Variants in SP100 observed in about 807,000 individuals in gnomAD.
The protein encoded by SP100 is nuclear autoantigen Sp-100.
Under a neutral mutation model 130.0 loss-of-function variants are expected in SP100, and 84 were observed. The observed-to-expected ratio is 0.65, with a 90% confidence interval of 0.54 to 0.77. The LOEUF (loss-of-function observed/expected upper bound fraction) is 0.77. Ranked by LOEUF, SP100 falls within the 30% of genes least tolerant of loss-of-function variation. The probability of loss-of-function intolerance (pLI) is 0.00; values close to 1 mark genes in which losing one functional copy is unlikely to be tolerated. For synonymous variants in SP100, 331 were observed against 351.7 expected (o/e 0.94, Z 0.66); for missense variants, 978 against 1,052.2 (o/e 0.93, Z 0.97).
chr2:230,436,970 A>ATGTG (rs1491053397), intron 2 of SP100, among the ~76,000 whole-genome samples: 1 of 134,746 alleles, frequency 7.4e-6, no homozygotes, highest in Non-Finnish European at 1.7e-5. Context: ...ACACATATAT[A>ATGTG]TGTGTATACA....
intron 23 of SP100, chr2:230,509,202 T>C (rs1315456340): frequency 6.6e-6 from 1 of 152,098 alleles, no homozygotes; most frequent in African/African-American, 2.4e-5. Context: ...TATGGAAAAA[T>C]GGTGAGATCA....
At chr2:230,437,840 G>T (rs1447153223) in intron 2 of SP100, among the ~76,000 whole-genome samples, 1 of 152,178 alleles carries the variant, frequency 6.6e-6, no homozygotes, top group South Asian at 2.1e-4. Context: ...ACAGGCATGA[G>T]CCACTGCGCC....
At position 230,462,458 on chromosome 2, in the gene SP100, G is replaced by T; in HGVS notation, c.997G>T (p.Gly333Ter). Residue 333 changes from glycine (G) to a stop codon, truncating the protein, a stop_gained, in exon 10 of 29, where the codon GGA (glycine) becomes TGA (stop). Coordinates refer to ENST00000340126, the MANE Select transcript of SP100 (RefSeq NM_001080391.2). LOFTEE classifies it high-confidence loss of function. ...AGTCATCAGCAGTGAGGACTCTGAAGGATCCACTGACGTTGATGAGCCCTT... is the reference window on the plus strand; with the variant it reads ...AGTCATCAGCAGTGAGGACTCTGAATGATCCACTGACGTTGATGAGCCCTT... Reference protein sequence around the residue: ...IIVISSEDSEGSTDVDEPLEV... With the variant: ...IIVISSEDSE 1 of 1,613,870 alleles carries T rather than the reference G, an allele frequency of 6.2e-7. No individual in the cohort carries two copies. The highest frequency in any genetic ancestry group is 2.2e-5 in the East Asian group (1 of 44,864).
chr2:230,484,196 G>A (rs772766997), intron 17 of SP100, among the ~76,000 whole-genome samples: 1 of 152,228 alleles, frequency 6.6e-6, no homozygotes, highest in Non-Finnish European at 1.5e-5. Context: ...TTTACAGTGT[G>A]AACGCTGAAA....
At chr2:230,534,683 G>A (rs181695637) in intron 24 of SP100, among the ~76,000 whole-genome samples, 9 of 152,236 alleles carry the variant, frequency 5.9e-5, no homozygotes, top group Non-Finnish European at 8.8e-5. Flanking sequence ...AACTTCTTTT[G>A]GGTTATATTT....
chr2:230,529,873 G>A (rs1691614427), intron 24 of SP100, among the ~76,000 whole-genome samples: 2 of 152,048 alleles, frequency 1.3e-5, no homozygotes, highest in African/African-American at 4.8e-5. Context: ...AACTTGCAAG[G>A]GATGTGAAGG....
At chr2:230,417,552 T>C in intron 1 of SP100, 39 bp from the exon 2 acceptor site, 1 of 1,600,620 alleles carries the variant, frequency 6.2e-7, no homozygotes, top group Non-Finnish European at 8.5e-7. Context: ...AGGCAAAGGG[T>C]CCAGTTATTT....
chr2:230,422,926 T>G (rs758351910), intron 2 of SP100, among the ~76,000 whole-genome samples: 1 of 152,218 alleles, frequency 6.6e-6, no homozygotes, highest in African/African-American at 2.4e-5. Context: ...TGACCTACAA[T>G]TTTCATTTCT....
chr2:230,485,619 T>C (rs987186049), intron 17 of SP100, among the ~76,000 whole-genome samples: 1 of 152,224 alleles, frequency 6.6e-6, no homozygotes, highest in Non-Finnish European at 1.5e-5. Flanking sequence ...CTTTTTGGCC[T>C]GAATTACATG....
intron 24 of SP100, chr2:230,515,619 TGAA>T (rs757202691): frequency 2.8e-4 from 444 of 1,601,108 alleles, no homozygotes; most frequent in Non-Finnish European, 3.6e-4. Flanking sequence ...AGGAGGAAAA[TGAA>T]GAAGATGATG....
At position 230,442,981 on chromosome 2, in the gene SP100, A is replaced by G. The variant is rs769353289; in HGVS notation, c.152A>G (p.Asp51Gly). Reference sequence around the variant, plus strand: ...GGTGTAGATGACAGGCTGCTCTATGACATTGTATTCAAGCACTTCAAAAGA... The same window carrying G: ...GGTGTAGATGACAGGCTGCTCTATGGCATTGTATTCAAGCACTTCAAAAGA... Reference protein sequence around the residue: ...DQGVDDRLLYDIVFKHFKRNK... With the variant: ...DQGVDDRLLYGIVFKHFKRNK... Residue 51 changes from aspartate (D) to glycine (G), a missense_variant, in exon 3 of 29, where the codon GAC (aspartate) becomes GGC (glycine). By Grantham distance (94) the Asp-to-Gly change is moderately conservative. Coordinates refer to ENST00000340126, the MANE Select transcript of SP100 (RefSeq NM_001080391.2). The G allele has an allele frequency of 6.2e-7, 1 of 1,613,246 alleles. No individual in the cohort carries two copies. Among genetic ancestry groups the G allele is most frequent in the South Asian group, 1.1e-5 (1 of 91,014 alleles).
At chr2:230,442,403 A>T (rs1403961259) in intron 2 of SP100, among the ~76,000 whole-genome samples, 8 of 152,290 alleles carry the variant, frequency 5.3e-5, no homozygotes, top group Non-Finnish European at 8.8e-5. Flanking sequence ...ATTCTCAATA[A>T]TGTGGTCTCA....
At chr2:230,492,638 A>G (rs1430063307) in intron 17 of SP100, among the ~76,000 whole-genome samples, 2 of 151,938 alleles carry the variant, frequency 1.3e-5, no homozygotes, top group African/African-American at 4.8e-5. Context: ...TACTATTTCT[A>G]TATTGTCAGA....
intron 2 of SP100, among the ~76,000 whole-genome samples, chr2:230,421,673 G>C (rs567010844): frequency 4.6e-5 from 7 of 152,116 alleles, no homozygotes; most frequent in South Asian, 2.1e-4. Flanking sequence ...TTAGTTCACT[G>C]TCTTGCAACT....
chr2:230,452,368 G>A (rs1434236680), intron 8 of SP100, among the ~76,000 whole-genome samples: 1 of 152,026 alleles, frequency 6.6e-6, no homozygotes, highest in Non-Finnish European at 1.5e-5. Context: ...GTAGAGACAA[G>A]GTTTCACCAT....
chr2:230,535,893 C>T (rs1462129718), intron 24 of SP100, among the ~76,000 whole-genome samples: 5 of 94,560 alleles, frequency 5.3e-5, no homozygotes. Flanking sequence ...GGTGACAGAG[C>T]AAGACTCCAT....
chr2:230,511,803 G>A (rs1405128691), intron 24 of SP100, among the ~76,000 whole-genome samples: 11 of 152,146 alleles, frequency 7.2e-5, no homozygotes, highest in African/African-American at 2.4e-4. Flanking sequence ...TTCTTGACTG[G>A]TGCTCAATGA....
intron 24 of SP100, among the ~76,000 whole-genome samples, chr2:230,513,436 A>T (rs549455961): frequency 6.6e-6 from 1 of 152,284 alleles, no homozygotes; most frequent in East Asian, 1.9e-4. Context: ...GACCTTCCCA[A>T]GGTGGGTTAA....
chr2:230,424,956 G>T (rs1456243466), intron 2 of SP100, among the ~76,000 whole-genome samples: 1 of 152,018 alleles, frequency 6.6e-6, no homozygotes, highest in East Asian at 1.9e-4. Flanking sequence ...TGATATAATT[G>T]CTTGAATTTA....
Sources: allele counts gnomAD v4.1 joint callset (sites outside exome capture counted in the v4.1 genomes callset), GRCh38; gene constraint gnomAD v4.1.1; transcripts MANE v1.5; gene names NCBI Gene and HGNC (gene_info 2026-07-23, HGNC 2026-07-21).